DPP4: variants seen among roughly 807,000 people sequenced by gnomAD.
DPP4 encodes the protein dipeptidyl peptidase 4.
A neutral mutation model predicts 122.4 loss-of-function variants in DPP4; 93 were observed. The observed-to-expected ratio is 0.76, with a 90% CI of 0.64 to 0.90. The LOEUF (loss-of-function observed/expected upper bound fraction) is 0.90, where lower values mean the gene tolerates loss of function less well. Ranked by LOEUF, DPP4 falls within the 40% of genes least tolerant of loss-of-function variation. The pLI is 0.00. For synonymous variants in DPP4, 321 were observed against 302.9 expected, an observed-to-expected ratio of 1.06 and a Z score of -0.62; for missense variants, 914 against 907.3, an observed-to-expected ratio of 1.01 and a Z score of -0.09.
chr2:162,055,704 C>A (rs886552429), intron 2 of DPP4, among the ~76,000 whole-genome samples: 13 of 152,016 alleles, frequency 8.6e-5, no homozygotes, highest in Non-Finnish European at 1.6e-4. Flanking sequence ...GTGGTACATC[C>A]AGGGGCATAT....
chr2:161,997,954 T>A (rs1350694333), intron 23 of DPP4, among the ~76,000 whole-genome samples: 1 of 152,186 alleles, frequency 6.6e-6, no homozygotes, highest in African/African-American at 2.4e-5. Context: ...TGATGTGATC[T>A]TCTGGCAAAG....
chr2:162,070,504 TCTTTG>T (rs1416840339), intron 2 of DPP4, among the ~76,000 whole-genome samples: 12 of 152,144 alleles, frequency 7.9e-5, no homozygotes, highest in Non-Finnish European at 1.3e-4. Context: ...GTAATTTAGG[TCTTTG>T]CTTTGTTTTT....
At chr2:162,060,681 T>G (rs1684734551) in intron 2 of DPP4, among the ~76,000 whole-genome samples, 1 of 152,180 alleles carries the variant, frequency 6.6e-6, no homozygotes, top group African/African-American at 2.4e-5. Context: ...TCTACCAAGC[T>G]CATCAGTTCT....
intron 2 of DPP4, among the ~76,000 whole-genome samples, chr2:162,061,649 T>C (rs1323269400): frequency 3.9e-5 from 6 of 152,190 alleles, no homozygotes; most frequent in African/African-American, 1.4e-4. Context: ...ATATAATAAT[T>C]TTATTCAGAA....
rs150199916 is a variant in DPP4 at position 162,060,340 on chromosome 2, T to C, written c.95-12839A>G. Among the ~76,000 whole-genome samples, 625 of 152,276 alleles carry C rather than the reference T, an allele frequency of 4.1e-3. 4 individuals are homozygous for C. Among genetic ancestry groups the C allele is most frequent in the African/African-American group, 0.014 (583 of 41,550 alleles). On this transcript the variant is annotated intron_variant, in intron 2 of 25. Coordinates refer to ENST00000360534, the MANE Select transcript of DPP4 (RefSeq NM_001935.4). The stretch of plus-strand genomic sequence containing the variant: ...GTGCAAATTCAGAAAACTCTAGAAT[T>C]TTCCCTCTGGACAGTAAGAAGGATG...
chr2:162,011,692 C>T (rs1682712015), intron 20 of DPP4, 101 bp downstream of exon 20: 4 of 1,218,750 alleles, frequency 3.3e-6, no homozygotes, highest in Non-Finnish European at 4.6e-6. Context: ...CAAATTCATC[C>T]CAGAACACTT....
At chr2:162,073,254 G>T in intron 2 of DPP4, 145 bp downstream of exon 2, 1 of 727,848 alleles carries the variant, frequency 1.4e-6, no homozygotes, top group South Asian at 1.7e-5. Context: ...TCTACAAGCA[G>T]CAACAACAAC....
chr2:162,013,615 A>G (rs1369278873), intron 19 of DPP4, among the ~76,000 whole-genome samples: 1 of 151,766 alleles, frequency 6.6e-6, no homozygotes, highest in Non-Finnish European at 1.5e-5. Context: ...AACTTACTAT[A>G]TGGGTTTGTT....
At chr2:162,024,772 T>C (rs919788132) in intron 11 of DPP4, 32 bp downstream of exon 11, 12 of 1,608,478 alleles carry the variant, frequency 7.5e-6, no homozygotes, top group South Asian at 6.6e-5. Context: ...CACATGTTGC[T>C]CTAGAAGCAG....
intron 10 of DPP4, among the ~76,000 whole-genome samples, chr2:162,027,692 A>G (rs1467861918): frequency 6.6e-6 from 1 of 152,248 alleles, no homozygotes; most frequent in Admixed American, 6.5e-5. Context: ...TGGATCACCC[A>G]GTACTAAATA....
At chr2:162,047,332 A>G (rs1459076525) in intron 3 of DPP4, 71 bp downstream of exon 3, 1 of 872,900 alleles carries the variant, frequency 1.1e-6, no homozygotes, top group East Asian at 2.6e-5. Flanking sequence ...TCAGTGCCAT[A>G]AAAGCCCACA....
At chr2:162,025,839 T>G (rs1392777439) in intron 10 of DPP4, among the ~76,000 whole-genome samples, 1 of 152,164 alleles carries the variant, frequency 6.6e-6, no homozygotes, top group African/African-American at 2.4e-5. Context: ...CATCTCCCTC[T>G]TCCCGCCTGG....
In DPP4 at chr2:162,003,049, T is replaced by C. The variant is rs139875215; in HGVS notation, c.2052+2696A>G. On this transcript the variant is annotated intron_variant, in intron 23 of 25. Coordinates refer to ENST00000360534, the MANE Select transcript of DPP4 (RefSeq NM_001935.4). The stretch of plus-strand genomic sequence containing the variant: ...TAGTAACACATTGGGAACCTTTAGC[T>C]CCCTGGTACTGGCAGTTTTAATGTG... Among the ~76,000 whole-genome samples the C allele has an allele frequency of 2.2e-3, 340 of 152,272 alleles. 1 individual carries two copies. The highest frequency in any genetic ancestry group is 3.5e-3 in the Non-Finnish European group (241 of 68,042).
At chr2:162,017,956 T>C (rs1363457131) in intron 16 of DPP4, among the ~76,000 whole-genome samples, 1 of 152,068 alleles carries the variant, frequency 6.6e-6, no homozygotes, top group Non-Finnish European at 1.5e-5. Context: ...TGATAGAGAT[T>C]TCTTAAAGAT....
At position 161,995,528 on chromosome 2, in the gene DPP4, G is replaced by A. The variant is rs867229894; in HGVS notation, c.2053-156C>T. 7.9e-5 allele frequency among the ~76,000 whole-genome samples: 12 copies of A among 152,294 alleles called. No homozygotes were observed. The South Asian group carries it at 2.5e-3, about 32-fold the overall frequency. ...CAAGCAAATGCTGTCTCCATGCATG[G>A]CAGAATGCACAGCATGCCCTGTGCC... On this transcript the variant is annotated intron_variant, in intron 23 of 25. Transcript: ENST00000360534.
rs1685192043 is a variant in DPP4 at position 162,073,465 on chromosome 2, C to G, written c.28G>C (p.Gly10Arg). 6.2e-7 allele frequency: 1 copy of G among 1,613,988 alleles called. No homozygotes were observed. Among genetic ancestry groups the G allele is most frequent in the African/African-American group, 1.3e-5 (1 of 75,038 alleles). Residue 10 changes from glycine (G) to arginine (R), a missense_variant, in exon 2 of 26, where the codon GGA (glycine) becomes CGA (arginine). Transcript: ENST00000360534. Reference protein sequence around the residue: MKTPWKVLLGLLGAAALVTI... With the variant: MKTPWKVLLRLLGAAALVTI... ...ACAAGCGCAGCAGCACCCAGCAGTC[C>G]CAGAAGAACCTTCCACGGTGTCTGC...
intron 2 of DPP4, among the ~76,000 whole-genome samples, chr2:162,061,845 G>A (rs1028622611): frequency 1.3e-5 from 2 of 152,144 alleles, no homozygotes; most frequent in African/African-American, 4.8e-5. Flanking sequence ...TTTAACTGGG[G>A]GAGACATAGG....
At chr2:161,993,433 T>TA in intron 25 of DPP4, 49 bp from the exon 26 acceptor site, 1 of 1,295,164 alleles carries the variant, frequency 7.7e-7, no homozygotes, top group Non-Finnish European at 1.1e-6. Flanking sequence ...AGTACTCTTC[T>TA]TAAAAAAAAA....
chr2:162,001,860 C>A (rs567934537), intron 23 of DPP4, among the ~76,000 whole-genome samples: 4 of 152,318 alleles, frequency 2.6e-5, no homozygotes, highest in African/African-American at 9.6e-5. Flanking sequence ...TCAGATTTGT[C>A]ACCCCTCCAC....
Sources: gnomAD v4.1 joint callset for allele counts (sites outside exome capture counted in the v4.1 genomes callset) on GRCh38, gnomAD v4.1.1 for gene constraint, MANE v1.5 for transcripts, NCBI Gene and HGNC (gene_info 2026-07-23, HGNC 2026-07-21) for gene names.